The following GCFC2 variants were observed in gnomAD, a reference collection of about 807,000 sequenced individuals.
GCFC2 encodes the protein intron Large complex component GCFC2.
Under a neutral mutation model 99.4 loss-of-function variants are expected in GCFC2, and 102 were observed. The observed-to-expected ratio is 1.03, with a 90% CI of 0.87 to 1.21. GCFC2 has a LOEUF of 1.21. Among genes scored for constraint, GCFC2 ranks in the 50% most tolerant of loss-of-function variants. GCFC2 has a pLI of 0.00. For synonymous variants in GCFC2, 338 were observed against 316.8 expected, an observed-to-expected ratio of 1.07 and a Z score of -0.71; for missense variants, 973 against 920.9, an observed-to-expected ratio of 1.06 and a Z score of -0.73.
chr2:75,694,843 G>A (rs1680234798), intron 5 of GCFC2, among the ~76,000 whole-genome samples: 1 of 151,998 alleles, frequency 6.6e-6, no homozygotes, highest in East Asian at 1.9e-4. Context: ...ATAAAAACGG[G>A]AATATATAAG....
intron 4 of GCFC2, among the ~76,000 whole-genome samples, chr2:75,699,559 T>C (rs1025430708): frequency 6.6e-6 from 1 of 151,784 alleles, no homozygotes; most frequent in African/African-American, 2.4e-5. Context: ...TTGTTTAAAC[T>C]TTACATTCAT....
Position 75,681,826 on chromosome 2 carries a change from C to T in GCFC2, c.1691-1512G>A, listed in dbSNP as rs141958510. Among the ~76,000 whole-genome samples, 275 of 152,004 alleles carry T rather than the reference C, an allele frequency of 1.8e-3. 5 individuals carry two copies. The East Asian group carries it at 0.044, about 24-fold the overall frequency. On this transcript the variant is annotated intron_variant, in intron 11 of 16. Transcript: ENST00000321027. ...TGCCTCACAGTGTAAACAAAGCCAC[C>T]GGGAAGTTCGACCTGGGCAGAGCCC...
Position 75,679,759 on chromosome 2 carries a change from C to T in GCFC2, c.1812+434G>A, listed in dbSNP as rs987543668. 41 of 398,628 alleles carry T rather than the reference C, an allele frequency of 1.0e-4. 1 individual carries two copies. The highest frequency in any genetic ancestry group is 2.5e-4 in the East Asian group (7 of 28,028). The allele number at this position is 398,628 out of a possible 1,614,324, so 24.7% of individuals were successfully genotyped here. A position where few individuals can be genotyped will look rare whatever the true frequency, so the allele number is the denominator to read the frequency against. On this transcript the variant is annotated intron_variant, in intron 12 of 16. Coordinates refer to ENST00000321027, the MANE Select transcript of GCFC2 (RefSeq NM_003203.5). ...TGAATTTGCACTAATGAATTTATAC[C>T]GGTTCATCTCTGCAGGGCCAGTGTA...
intron 3 of GCFC2, 133 bp downstream of exon 3, chr2:75,702,066 G>T: frequency 6.9e-7 from 1 of 1,453,040 alleles, no homozygotes; most frequent in South Asian, 1.5e-5. Flanking sequence ...CAATATCATG[G>T]ACCAAATCGA....
In GCFC2 at chr2:75,663,116, A is replaced by G. The variant is rs897267581; in HGVS notation, c.*1550T>C. 3 of 152,154 alleles carry G rather than the reference A, an allele frequency of 2.0e-5. No individual in the cohort carries two copies. Among genetic ancestry groups the G allele is most frequent in the African/African-American group, 7.2e-5 (3 of 41,460 alleles). 9.4% of individuals were successfully genotyped at this position (152,154 alleles called of 1,614,324 possible). On this transcript the variant is annotated 3_prime_UTR_variant, in exon 17 of 17. Transcript: ENST00000321027. Reference sequence around the variant, plus strand: ...GTATAATTTTGTTACTAATATAAACATCAAAAAATTCTTCATACCAGTGAA... The same window carrying G: ...GTATAATTTTGTTACTAATATAAACGTCAAAAAATTCTTCATACCAGTGAA...
chr2:75,675,741 C>CAAAAAA (rs1206357027), intron 12 of GCFC2, among the ~76,000 whole-genome samples: 3 of 70,260 alleles, frequency 4.3e-5, no homozygotes, highest in African/African-American at 1.1e-4. Context: ...AAGGTTCTGT[C>CAAAAAA]AAAAAAAAAA....
chr2:75,690,081 C>T lies in GCFC2; in HGVS notation c.1227G>A (p.Arg409=), dbSNP rs755546816. Residue 409 remains arginine, a splice_region_variant and synonymous_variant, in exon 9 of 17, where the codon AGG becomes AGA. Coordinates refer to ENST00000321027, the MANE Select transcript of GCFC2 (RefSeq NM_003203.5). ...GCACCCTTGCTTGTCTTCTTTTTGT[C>T]CTATATTTTGCAACAAACCAAAAAT... ...QWILEEIESR[R]TKRRQARVLS... 2.5e-6 allele frequency: 4 copies of T among 1,578,690 alleles called. No individual in the cohort carries two copies. Among genetic ancestry groups the T allele is most frequent in the Non-Finnish European group, 1.7e-6 (2 of 1,155,510 alleles).
chr2:75,708,488 A>T (rs2158814), intron 1 of GCFC2, among the ~76,000 whole-genome samples: 59,033 of 145,858 alleles, frequency 0.4, 12,083 homozygotes, highest in African/African-American at 0.42. Context: ...TGGTTTAAGA[A>T]TCCATTTGGC....
intron 4 of GCFC2, among the ~76,000 whole-genome samples, chr2:75,699,494 TC>T (rs1680477458): frequency 6.6e-6 from 1 of 152,224 alleles, no homozygotes; most frequent in Admixed American, 6.5e-5. Flanking sequence ...ACAGCCCAAA[TC>T]TAGGACTTTT....
At position 75,664,701 on chromosome 2, in the gene GCFC2, G is replaced by C. The variant is rs374386685; in HGVS notation, c.2311C>G (p.Leu771Val). The change falls in exon 17 of 17, where the codon CTA becomes GTA. Residue 771 changes from leucine to valine, a missense_variant. By Grantham distance (32) the Leu-to-Val change is conservative (BLOSUM62 1). Transcript: ENST00000321027. Reference protein sequence around the residue: ...QAESFIGEHHLDHLKSLIKED With the variant: ...QAESFIGEHHVDHLKSLIKED ...TTAATTAGTGATTTAAGATGGTCTA[G>C]GTGATGCTCTCCTATGAAGGATTCT... is the stretch of plus-strand genomic sequence containing the variant. 1.8e-5 allele frequency: 28 copies of C among 1,534,980 alleles called. No homozygotes were observed. The East Asian group carries it at 5.6e-4, about 31-fold the overall frequency.
At chr2:75,695,381 G>A (rs968424368) in intron 5 of GCFC2, among the ~76,000 whole-genome samples, 3 of 152,060 alleles carry the variant, frequency 2.0e-5, no homozygotes, top group Non-Finnish European at 4.4e-5. Flanking sequence ...CAACAGAGAA[G>A]TATTTAATTA....
upstream of GCFC2, chr2:75,711,098 G>T: frequency 7.8e-7 from 1 of 1,289,598 alleles, no homozygotes; most frequent in East Asian, 3.3e-5. Flanking sequence ...GTTAGGTTGC[G>T]TGGACTGACA....
At chr2:75,671,873 A>T (rs1679103297) in intron 14 of GCFC2, 77 bp downstream of exon 14, 3 of 705,162 alleles carry the variant, frequency 4.3e-6, no homozygotes, top group Non-Finnish European at 7.9e-6. Flanking sequence ...CTTATAGAAG[A>T]AGTTTGTTGT....
intron 11 of GCFC2, among the ~76,000 whole-genome samples, chr2:75,682,273 G>A (rs1679615541): frequency 6.6e-6 from 1 of 151,874 alleles, no homozygotes; most frequent in Admixed American, 6.6e-5. Flanking sequence ...TTGCTGTTCT[G>A]CAGCCTCCGC....
chr2:75,680,187 T>G lies in GCFC2; in HGVS notation c.1812+6A>C. The stretch of plus-strand genomic sequence containing the variant: ...TCATGGAGTTCGCAACTCTAGAAAT[T>G]ATTACCTGTCTGCTTTTACTAACTT... On this transcript the variant is annotated splice_donor_region_variant and intron_variant, in intron 12 of 16. Transcript: ENST00000321027. The G allele has an allele frequency of 6.3e-7, 1 of 1,595,396 alleles. No individual in the cohort carries two copies. Among genetic ancestry groups the G allele is most frequent in the Non-Finnish European group, 8.6e-7 (1 of 1,164,166 alleles).
intron 15 of GCFC2, among the ~76,000 whole-genome samples, chr2:75,667,954 G>GT (rs1678923081): frequency 1.3e-5 from 2 of 151,696 alleles, no homozygotes. Flanking sequence ...TTGATATATA[G>GT]TTTTATGGCA....
intron 12 of GCFC2, 103 bp downstream of exon 12, chr2:75,680,090 T>C (rs1242082848): frequency 1.3e-6 from 1 of 754,090 alleles, no homozygotes; most frequent in Non-Finnish European, 2.1e-6. Flanking sequence ...CCCCAAACAG[T>C]TTTCTGATAA....
At chr2:75,682,607 C>T (rs1195316699) in intron 11 of GCFC2, among the ~76,000 whole-genome samples, 2 of 151,768 alleles carry the variant, frequency 1.3e-5, no homozygotes, top group Non-Finnish European at 2.9e-5. Context: ...GACGAAGTGA[C>T]AGAAGTAGGC....
chr2:75,664,481 A>T lies in GCFC2; in HGVS notation c.*185T>A. 1 of 404,914 alleles carries T rather than the reference A, an allele frequency of 2.5e-6. No individual in the cohort carries two copies. The highest frequency in any genetic ancestry group is 4.4e-6 in the Non-Finnish European group (1 of 227,050). The allele number at this position is 404,914 out of a possible 1,614,324, so 25.1% of individuals were successfully genotyped here. On this transcript the variant is annotated 3_prime_UTR_variant, in exon 17 of 17. Transcript: ENST00000321027. Reference sequence around the variant, plus strand: ...ATTTAATTCCTTAGAACACCACAGAATCATGGCAGCTTTTCATGATGCCAG... The same window carrying T: ...ATTTAATTCCTTAGAACACCACAGATTCATGGCAGCTTTTCATGATGCCAG...
Sources: gnomAD v4.1 joint callset for allele counts (sites outside exome capture counted in the v4.1 genomes callset) on GRCh38, gnomAD v4.1.1 for gene constraint, MANE v1.5 for transcripts, NCBI Gene and HGNC (gene_info 2026-07-23, HGNC 2026-07-21) for gene names.